The following MARCHF1 variants were observed in gnomAD, a reference collection of about 807,000 sequenced individuals.
MARCHF1 encodes the protein E3 ubiquitin-protein ligase MARCHF1.
Under a neutral mutation model 54.2 loss-of-function variants are expected in MARCHF1, and 40 were observed. The ratio of observed to expected loss-of-function variants is 0.74; its 90% CI spans 0.57 to 0.96. MARCHF1 has a LOEUF of 0.96. Among genes scored for constraint, MARCHF1 ranks in the 40% least tolerant of loss-of-function variants. The probability of loss-of-function intolerance (pLI) is 0.00; values close to 1 mark genes in which losing one functional copy is unlikely to be tolerated. For synonymous variants in MARCHF1, 236 were observed against 236.3 expected, an observed-to-expected ratio of 1.00 and a Z score of 0.01; for missense variants, 586 against 656.5, an observed-to-expected ratio of 0.89 and a Z score of 1.17.
chr4:163,648,637 G>A (rs558514880), intron 5 of MARCHF1, among the ~76,000 whole-genome samples: 13 of 144,506 alleles, frequency 9.0e-5, no homozygotes, highest in African/African-American at 2.8e-4. Flanking sequence ...AAACTAGAGA[G>A]GAAAGCAAAT....
intron 3 of MARCHF1, among the ~76,000 whole-genome samples, chr4:163,918,930 C>T (rs1224700546): frequency 6.6e-6 from 1 of 152,052 alleles, no homozygotes; most frequent in Non-Finnish European, 1.5e-5. Flanking sequence ...ATACTCTTTT[C>T]CTCCTGTCGC....
At chr4:163,815,685 A>C (rs1404589075) in intron 4 of MARCHF1, among the ~76,000 whole-genome samples, 1 of 152,164 alleles carries the variant, frequency 6.6e-6, no homozygotes, top group African/African-American at 2.4e-5. Context: ...AAGGTGTCAA[A>C]AGATTTAGGG....
At chr4:163,846,938 CA>C (rs1749499401) in intron 4 of MARCHF1, among the ~76,000 whole-genome samples, 1 of 151,962 alleles carries the variant, frequency 6.6e-6, no homozygotes, top group Non-Finnish European at 1.5e-5. Flanking sequence ...GAGTGAAAGC[CA>C]GATTGTTTTC....
chr4:163,962,179 A>T (rs530823530), intron 3 of MARCHF1, among the ~76,000 whole-genome samples: 2 of 152,090 alleles, frequency 1.3e-5, no homozygotes, highest in African/African-American at 4.8e-5. Flanking sequence ...AAATCTTGGG[A>T]GATTTTCCAT....
intron 3 of MARCHF1, among the ~76,000 whole-genome samples, chr4:163,976,702 T>C (rs975179623): frequency 6.6e-6 from 1 of 152,204 alleles, no homozygotes; most frequent in African/African-American, 2.4e-5. Flanking sequence ...GTTAGAAGCC[T>C]GACTTCTCTA....
At chr4:164,345,582 A>C (rs1483307022) in intron 1 of MARCHF1, among the ~76,000 whole-genome samples, 6 of 42,778 alleles carry the variant, frequency 1.4e-4, no homozygotes, top group African/African-American at 3.9e-4. Context: ...ACATAATAAT[A>C]ATAATAATAA....
chr4:164,147,113 A>G (rs1197061746), intron 1 of MARCHF1, among the ~76,000 whole-genome samples: 1 of 152,166 alleles, frequency 6.6e-6, no homozygotes, highest in Non-Finnish European at 1.5e-5. Context: ...GCAAATCAAA[A>G]CCACTATGAG....
chr4:163,834,937 A>C (rs1372899709), intron 4 of MARCHF1, among the ~76,000 whole-genome samples: 1 of 151,956 alleles, frequency 6.6e-6, no homozygotes, highest in Admixed American at 6.6e-5. Flanking sequence ...GCTGGAGTGC[A>C]TTGGTGTGAT....
rs570678515 is a variant in MARCHF1 at position 164,174,606 on chromosome 4, G to A, written c.-322-62944C>T. 1.6e-3 allele frequency among the ~76,000 whole-genome samples: 236 copies of A among 152,220 alleles called. 1 individual carries two copies. The highest frequency in any genetic ancestry group is 3.4e-3 in the Middle Eastern group (1 of 294). Reference sequence around the variant, plus strand: ...GTTTCTCCCAGTTTTCTCTCTCCAGGTGCTAGAAAACTTCAGTAGTCAGTG... The same window carrying A: ...GTTTCTCCCAGTTTTCTCTCTCCAGATGCTAGAAAACTTCAGTAGTCAGTG... On this transcript the variant is annotated intron_variant, in intron 1 of 9. Coordinates refer to ENST00000514618, the MANE Select transcript of MARCHF1 (RefSeq NM_001394959.1).
intron 3 of MARCHF1, among the ~76,000 whole-genome samples, chr4:163,983,794 G>A (rs926953198): frequency 6.6e-6 from 1 of 152,014 alleles, no homozygotes; most frequent in Non-Finnish European, 1.5e-5. Context: ...GGGATCCTTT[G>A]TTTCTACCAA....
intron 1 of MARCHF1, among the ~76,000 whole-genome samples, chr4:164,169,080 G>A: frequency 6.6e-6 from 1 of 152,126 alleles, no homozygotes; most frequent in East Asian, 1.9e-4. Flanking sequence ...TGGATACGTA[G>A]ATTTTAGCTG....
chr4:164,214,131 A>G (rs1490509497), intron 1 of MARCHF1, among the ~76,000 whole-genome samples: 1 of 151,748 alleles, frequency 6.6e-6, no homozygotes, highest in Non-Finnish European at 1.5e-5. Context: ...CGTGACACAT[A>G]CAACAATATT....
At chr4:164,281,853 G>A (rs1050243708) in intron 1 of MARCHF1, among the ~76,000 whole-genome samples, 3 of 152,138 alleles carry the variant, frequency 2.0e-5, no homozygotes, top group Non-Finnish European at 2.9e-5. Flanking sequence ...CAGTCAGCGT[G>A]TCCTTCTTCT....
chr4:164,148,884 A>C (rs922915218), intron 1 of MARCHF1, among the ~76,000 whole-genome samples: 1 of 152,140 alleles, frequency 6.6e-6, no homozygotes, highest in Admixed American at 6.6e-5. Flanking sequence ...CACGATATTT[A>C]ATTTCCTGTA....
At chr4:163,941,183 A>G (rs946963283) in intron 3 of MARCHF1, among the ~76,000 whole-genome samples, 1 of 152,094 alleles carries the variant, frequency 6.6e-6, no homozygotes, top group Non-Finnish European at 1.5e-5. Flanking sequence ...TAGAAATAAT[A>G]ATGGATATTT....
intron 6 of MARCHF1, 61 bp from the exon 7 acceptor site, chr4:163,613,099 C>CAG (rs969930790): frequency 3.6e-6 from 5 of 1,392,294 alleles, no homozygotes; most frequent in Admixed American, 5.9e-5. Flanking sequence ...CATGGAAAAA[C>CAG]AGAGAGAGAG....
In MARCHF1 at chr4:163,854,072, T is replaced by A; in HGVS notation, c.60A>T (p.Arg20=). ...CCAAATCCCCTGAGATCTCGGGTGT[T>A]CGCGTGTTGTTTGGAATTCTGTGAG... ...RNPHRIPNNT[R]TPEISGDLAD... Residue 20 remains arginine (R), a synonymous_variant, in exon 4 of 10, where the codon CGA becomes CGT. Coordinates refer to ENST00000514618, the MANE Select transcript of MARCHF1 (RefSeq NM_001394959.1). 6.5e-7 allele frequency: 1 copy of A among 1,536,958 alleles called. No homozygotes were observed.
chr4:164,225,550 A>T (rs1732227802), intron 1 of MARCHF1, among the ~76,000 whole-genome samples: 1 of 152,082 alleles, frequency 6.6e-6, no homozygotes, highest in Admixed American at 6.6e-5. Context: ...AGGTCATCCT[A>T]CAGTGTATTA....
chr4:163,799,000 T>C (rs1032646423), intron 4 of MARCHF1, among the ~76,000 whole-genome samples: 2 of 152,156 alleles, frequency 1.3e-5, no homozygotes, highest in Non-Finnish European at 2.9e-5. Context: ...TATTTTCATC[T>C]TCACAATAGC....
Sources: allele counts gnomAD v4.1 joint callset (sites outside exome capture counted in the v4.1 genomes callset), GRCh38; gene constraint gnomAD v4.1.1; transcripts MANE v1.5; gene names NCBI Gene and HGNC (gene_info 2026-07-23, HGNC 2026-07-21).